The following APPBP2 variants were observed in gnomAD, a reference collection of about 807,000 sequenced individuals.
APPBP2 encodes the protein amyloid protein-binding protein 2.
Under a neutral mutation model 76.0 loss-of-function variants are expected in APPBP2, and 15 were observed. The ratio of observed to expected loss-of-function variants is 0.20; its 90% CI spans 0.13 to 0.30. APPBP2 has a LOEUF of 0.30. Ranked by LOEUF, APPBP2 falls within the 10% of genes least tolerant of loss-of-function variation. The probability of loss-of-function intolerance (pLI) is 1.00; values close to 1 mark genes in which losing one functional copy is unlikely to be tolerated. For synonymous variants in APPBP2, 222 were observed against 242.2 expected (o/e 0.92, Z 0.77); for missense variants, 401 against 687.2 (o/e 0.58, Z 4.66).
At chr17:60,476,574 G>A (rs2090592658) in intron 4 of APPBP2, among the ~76,000 whole-genome samples, 1 of 152,112 alleles carries the variant, frequency 6.6e-6, no homozygotes, top group Non-Finnish European at 1.5e-5. Context: ...GGCAAGGTTA[G>A]TTGAATAGAG....
At chr17:60,506,813 A>G (rs2090871856) in intron 1 of APPBP2, among the ~76,000 whole-genome samples, 1 of 152,130 alleles carries the variant, frequency 6.6e-6, no homozygotes, top group Non-Finnish European at 1.5e-5. Flanking sequence ...CGAGGCGGGC[A>G]GATCACGAGG....
chr17:60,484,332 T>G (rs2090655763), intron 3 of APPBP2, among the ~76,000 whole-genome samples: 1 of 152,256 alleles, frequency 6.6e-6, no homozygotes, highest in South Asian at 2.1e-4. Context: ...ACAGCCATTT[T>G]CATGATACTG....
intron 4 of APPBP2, among the ~76,000 whole-genome samples, chr17:60,473,744 C>T (rs960694115): frequency 1.4e-4 from 21 of 152,288 alleles, no homozygotes; most frequent in Middle Eastern, 3.4e-3. Flanking sequence ...AATCGCTTTT[C>T]CTCCTCACAA....
chr17:60,490,220 GTAGTC>G (rs539986655), intron 3 of APPBP2, among the ~76,000 whole-genome samples: 204 of 152,232 alleles, frequency 1.3e-3, no homozygotes, highest in African/African-American at 4.8e-3. Flanking sequence ...AGTAAGGCCA[GTAGTC>G]TAGTTAATGG....
chr17:60,492,698 G>A (rs902929545), intron 3 of APPBP2, among the ~76,000 whole-genome samples: 2 of 152,168 alleles, frequency 1.3e-5, no homozygotes, highest in African/African-American at 4.8e-5. Flanking sequence ...TCCAATGCAT[G>A]TACCCCCACT....
chr17:60,486,818 G>T (rs544235975), intron 3 of APPBP2, among the ~76,000 whole-genome samples: 2 of 152,248 alleles, frequency 1.3e-5, no homozygotes, highest in East Asian at 3.9e-4. Flanking sequence ...GCATGTTTTT[G>T]CAGTGGCTGG....
At chr17:60,482,710 G>A (rs148038307) in intron 3 of APPBP2, among the ~76,000 whole-genome samples, 3 of 152,154 alleles carry the variant, frequency 2.0e-5, no homozygotes, top group Non-Finnish European at 4.4e-5. Flanking sequence ...GTGATAGTTT[G>A]CTCAGAATGA....
chr17:60,508,030 T>C (rs59709848), intron 1 of APPBP2, among the ~76,000 whole-genome samples: 30,194 of 150,972 alleles, frequency 0.2, 10,122 homozygotes, highest in African/African-American at 0.69. Context: ...TGGAGTGCAG[T>C]GGTGAAATCC....
Position 60,489,494 on chromosome 17 carries a change from C to T in APPBP2, c.379+4972G>A, listed in dbSNP as rs1018063459. On this transcript the variant is annotated intron_variant, in intron 3 of 12. Transcript: ENST00000083182. The stretch of plus-strand genomic sequence containing the variant: ...AGTGTGGTGGCGCATGCCTGTAGTC[C>T]CAGCTACCTGTGAGGCTGAGGCAGC... Among the ~76,000 whole-genome samples the T allele has an allele frequency of 3.3e-5, 5 of 150,574 alleles. No homozygotes were observed. The South Asian group carries it at 6.3e-4, about 19-fold the overall frequency.
chr17:60,452,495 TCA>T (rs2090402446), intron 11 of APPBP2, among the ~76,000 whole-genome samples: 1 of 152,248 alleles, frequency 6.6e-6, no homozygotes, highest in Non-Finnish European at 1.5e-5. Flanking sequence ...CACTTTCATT[TCA>T]TTTTTTGGAA....
At chr17:60,500,317 A>G in intron 2 of APPBP2, 82 bp downstream of exon 2, 1 of 981,928 alleles carries the variant, frequency 1.0e-6, no homozygotes, top group Non-Finnish European at 1.5e-6. Context: ...CACAATGTGA[A>G]TATACTTAAT....
intron 4 of APPBP2, among the ~76,000 whole-genome samples, chr17:60,472,845 T>C (rs946655941): frequency 6.6e-6 from 1 of 152,228 alleles, no homozygotes; most frequent in African/African-American, 2.4e-5. Context: ...TAAGGTACAC[T>C]GCTTATGTAG....
chr17:60,469,414 A>ATTT (rs142290033), intron 4 of APPBP2, among the ~76,000 whole-genome samples: 12,133 of 150,952 alleles, frequency 0.08, 1,625 homozygotes, highest in African/African-American at 0.28. Context: ...GGGTTTAATA[A>ATTT]TTTTTTTTTA....
chr17:60,517,346 C>G (rs2090971127), intron 1 of APPBP2, among the ~76,000 whole-genome samples: 1 of 152,136 alleles, frequency 6.6e-6, no homozygotes, highest in Admixed American at 6.6e-5. Context: ...ACAGGTGCTG[C>G]AAATATCTTC....
At chr17:60,494,370 C>G in intron 3 of APPBP2, 96 bp downstream of exon 3, 1 of 1,386,630 alleles carries the variant, frequency 7.2e-7, no homozygotes, top group South Asian at 1.3e-5. Context: ...AACCTTCTTA[C>G]GTAGACTTTG....
chr17:60,488,529 T>C (rs867419453), intron 3 of APPBP2, among the ~76,000 whole-genome samples: 15 of 152,292 alleles, frequency 9.8e-5, no homozygotes, highest in Middle Eastern at 3.4e-3. Context: ...TGACTGCTAA[T>C]GGGTACTGTT....
rs375591405 is a variant in APPBP2 at position 60,455,793 on chromosome 17, C to CTTTTTTTTTTTTT, written c.1147+502_1147+503insAAAAAAAAAAAAA. On this transcript the variant is annotated intron_variant, in intron 10 of 12. Transcript: ENST00000083182. ...AATTCTGGCTTACTGATTTTTTTTT[C>CTTTTTTTTTTTTT]TTGAGACAGAGTCTCGTTCTGTTGC... Among the ~76,000 whole-genome samples the CTTTTTTTTTTTTT allele has an allele frequency of 3.8e-4, 57 of 151,260 alleles. 1 individual carries two copies. Among genetic ancestry groups the CTTTTTTTTTTTTT allele is most frequent in the African/African-American group, 1.3e-3 (55 of 40,870 alleles).
intron 9 of APPBP2, among the ~76,000 whole-genome samples, chr17:60,457,106 G>C (rs1325227639): frequency 6.8e-6 from 1 of 147,624 alleles, no homozygotes; most frequent in Non-Finnish European, 1.5e-5. Context: ...TTGTACTCCA[G>C]CATGAGTGAC....
At position 60,445,197 on chromosome 17, in the gene APPBP2, C is replaced by T. The variant is rs990642569; in HGVS notation, c.*2384G>A. The T allele has an allele frequency of 3.9e-5, 6 of 152,348 alleles. No homozygotes were observed. Among genetic ancestry groups the T allele is most frequent in the African/African-American group, 1.5e-4 (6 of 41,366 alleles). The allele number at this position is 152,348 out of a possible 1,614,324, so 9.4% of individuals were successfully genotyped here. A position where few individuals can be genotyped will look rare whatever the true frequency, so the allele number is the denominator to read the frequency against. ...GTATGCATTAAAGTATATGGATTTA[C>T]AAAAAAACTACATTAAAGCAGTGGT... On this transcript the variant is annotated 3_prime_UTR_variant, in exon 13 of 13. Transcript: ENST00000083182.
Sources: gnomAD v4.1 joint callset for allele counts (sites outside exome capture counted in the v4.1 genomes callset) on GRCh38, gnomAD v4.1.1 for gene constraint, MANE v1.5 for transcripts, NCBI Gene and HGNC (gene_info 2026-07-23, HGNC 2026-07-21) for gene names.